Variants in ERO1B observed in about 807,000 individuals in gnomAD.
ERO1B encodes ERO1-like protein beta.
A neutral mutation model predicts 75.3 loss-of-function variants in ERO1B; 49 were observed. The ratio of observed to expected loss-of-function variants is 0.65; its 90% CI spans 0.52 to 0.83. The LOEUF is 0.83. Among genes scored for constraint, ERO1B ranks in the 40% least tolerant of loss-of-function variants. The pLI, the probability that ERO1B is intolerant of heterozygous loss-of-function variation, is 0.00. For synonymous variants in ERO1B, 191 were observed against 192.9 expected, an observed-to-expected ratio of 0.99 and a Z score of 0.08; for missense variants, 512 against 560.1, an observed-to-expected ratio of 0.91 and a Z score of 0.87.
chr1:236,220,743 A>C (rs1191416025), intron 15 of ERO1B, 89 bp downstream of exon 15: 2 of 1,373,564 alleles, frequency 1.5e-6, no homozygotes, highest in Non-Finnish European at 1.9e-6. Flanking sequence ...TCAACAAAAC[A>C]AACCCTACTT....
At position 236,243,506 on chromosome 1, in the gene ERO1B, G is replaced by A. The variant is rs1664765043; in HGVS notation, c.432-11C>T. On this transcript the variant is annotated splice_polypyrimidine_tract_variant and intron_variant, in intron 5 of 15. Transcript: ENST00000354619. The stretch of plus-strand genomic sequence containing the variant: ...TCTTTGCTTTGATTACTATGGGAAG[G>A]AGGAATAAAAAAGAAAAATTATTAA... 1.3e-6 allele frequency: 2 copies of A among 1,580,128 alleles called. No individual in the cohort carries two copies. The highest frequency in any genetic ancestry group is 1.7e-6 in the Non-Finnish European group (2 of 1,162,384).
intron 1 of ERO1B, among the ~76,000 whole-genome samples, chr1:236,279,458 G>T (rs935066027): frequency 1.6e-5 from 2 of 128,690 alleles, no homozygotes; most frequent in African/African-American, 3.0e-5. Flanking sequence ...AGCCAAGATG[G>T]CGCCACCGCA....
At chr1:236,254,919 TATC>T (rs2102958169) in intron 2 of ERO1B, among the ~76,000 whole-genome samples, 1 of 148,730 alleles carries the variant, frequency 6.7e-6, no homozygotes, top group East Asian at 2.3e-4. Context: ...GGCCGGTCTT[TATC>T]TTTTTTTTTT....
Position 236,249,896 on chromosome 1 carries a change from G to A in ERO1B, c.420C>T (p.Asn140=), listed in dbSNP as rs769191396. Residue 140 remains asparagine, a synonymous_variant, in exon 5 of 16, where the codon AAC becomes AAT. Transcript: ENST00000354619. The part of the protein sequence containing the change: ...CEQANKLGAI[N]STLSNQSKEA... ...AAAATAAAACTTGCCTTAATGTGCT[G>A]TTAATTGCTCCCAGTTTATTAGCTT... is the stretch of plus-strand genomic sequence containing the variant. The A allele has an allele frequency of 1.3e-6, 2 of 1,590,924 alleles. No homozygotes were observed. Among genetic ancestry groups the A allele is most frequent in the South Asian group, 2.4e-5 (2 of 84,204 alleles).
In ERO1B at chr1:236,253,402, T is replaced by A. The variant is rs775005414; in HGVS notation, c.306+20A>T. The A allele has an allele frequency of 3.3e-6, 5 of 1,499,494 alleles. No homozygotes were observed. The highest frequency in any genetic ancestry group is 4.6e-6 in the Non-Finnish European group (5 of 1,086,110). 92.9% of individuals were successfully genotyped at this position (1,499,494 alleles called of 1,614,324 possible). On this transcript the variant is annotated intron_variant, in intron 3 of 15. Transcript: ENST00000354619. ...GTCCAAGAGAAAATTGGCTTTGCCC[T>A]GTTATTTTATTTATTATACCTCTGG...
intron 10 of ERO1B, among the ~76,000 whole-genome samples, chr1:236,227,838 T>A (rs1664315032): frequency 6.6e-6 from 1 of 152,156 alleles, no homozygotes; most frequent in Admixed American, 6.5e-5. Context: ...GTTCCCTAAT[T>A]GGGAATTCTT....
At position 236,235,799 on chromosome 1, in the gene ERO1B, C is replaced by T. The variant is rs1415745493; in HGVS notation, c.663G>A (p.Ala221=). 3.7e-6 allele frequency: 6 copies of T among 1,611,514 alleles called. No homozygotes were observed. The East Asian group carries it at 6.7e-5, about 18-fold the overall frequency. ...ATATGAAAAACCTACCTCGGCTAGG[C>T]GCCAGAGGATTTAAAGGACGATAAA... ...RSVYRPLNPL[A]PSRGEDDGES... Residue 221 remains alanine (A), a synonymous_variant, in exon 8 of 16, where the codon GCG becomes GCA. Coordinates refer to ENST00000354619, the MANE Select transcript of ERO1B (RefSeq NM_019891.4).
intron 1 of ERO1B, among the ~76,000 whole-genome samples, chr1:236,279,025 C>T (rs574728002): frequency 6.6e-6 from 1 of 152,248 alleles, no homozygotes; most frequent in South Asian, 2.1e-4. Flanking sequence ...ATCTCTTTTT[C>T]TATACTAGAG....
intron 2 of ERO1B, among the ~76,000 whole-genome samples, chr1:236,267,047 T>A (rs1217757721): frequency 6.6e-6 from 1 of 152,238 alleles, no homozygotes; most frequent in East Asian, 1.9e-4. Flanking sequence ...ACTCCACTTT[T>A]ACTCATGCAA....
At chr1:236,227,657 C>T (rs1664310736) in intron 10 of ERO1B, among the ~76,000 whole-genome samples, 1 of 152,062 alleles carries the variant, frequency 6.6e-6, no homozygotes, top group African/African-American at 2.4e-5. Context: ...TAGTGGAAAG[C>T]AAAATAGTCT....
intron 1 of ERO1B, among the ~76,000 whole-genome samples, chr1:236,281,053 AC>A (rs948623580): frequency 1.6e-4 from 24 of 151,404 alleles, no homozygotes; most frequent in Non-Finnish European, 2.8e-4. Flanking sequence ...CCCCACTCAG[AC>A]CCCCCCAGTC....
At chr1:236,221,188 C>T (rs1558504364) in intron 14 of ERO1B, among the ~76,000 whole-genome samples, 1 of 152,120 alleles carries the variant, frequency 6.6e-6, no homozygotes, top group Non-Finnish European at 1.5e-5. Flanking sequence ...TTATTGAATA[C>T]ATATCATACT....
intron 12 of ERO1B, among the ~76,000 whole-genome samples, chr1:236,225,703 G>A (rs1189803544): frequency 6.6e-6 from 1 of 152,226 alleles, no homozygotes; most frequent in African/African-American, 2.4e-5. Flanking sequence ...GGGAGGCAGA[G>A]GAGGGTGCAT....
chr1:236,278,498 C>A (rs1665756551), intron 1 of ERO1B, among the ~76,000 whole-genome samples: 1 of 152,094 alleles, frequency 6.6e-6, no homozygotes, highest in Non-Finnish European at 1.5e-5. Context: ...CCACTCCATG[C>A]AACTGCTAAA....
chr1:236,278,704 T>C (rs1665760201), intron 1 of ERO1B, among the ~76,000 whole-genome samples: 1 of 152,228 alleles, frequency 6.6e-6, no homozygotes, highest in Non-Finnish European at 1.5e-5. Flanking sequence ...AAGATTGTTA[T>C]ATCACTTGTA....
rs755370824 is a variant in ERO1B, at chr1:236,236,285, A to G, written c.619T>C (p.Cys207Arg). The G allele has an allele frequency of 1.9e-6, 3 of 1,613,520 alleles. No homozygotes were observed. The East Asian group carries it at 6.7e-5, about 36-fold the overall frequency. ...RVWNSIYEEN[C>R]FKPRSVYRPL... is the part of the protein sequence containing the mutation. ...CCCACCCCCTCCAGTTACTTGAAAC[A>G]GTTCTCTTCATAGATGCTGTTCCAC... The change falls in exon 7 of 16, where the codon TGT becomes CGT. Residue 207 changes from cysteine to arginine, a missense_variant. Cys to Arg is a radical substitution (Grantham distance 180). Transcript: ENST00000354619.
At chr1:236,229,427 A>C (rs1275361860) in intron 10 of ERO1B, among the ~76,000 whole-genome samples, 1 of 152,118 alleles carries the variant, frequency 6.6e-6, no homozygotes, top group Non-Finnish European at 1.5e-5. Flanking sequence ...TGACTCAAAA[A>C]AAAAAAAAAG....
In ERO1B at chr1:236,217,086, G is replaced by A. The variant is rs1349881324; in HGVS notation, c.*1430C>T. ...AGTATTTTTAAGAGGGGTGAGCCAA[G>A]CCAACTAAATACAATTTTTTAGATG... On this transcript the variant is annotated 3_prime_UTR_variant, in exon 16 of 16. Coordinates refer to ENST00000354619, the MANE Select transcript of ERO1B (RefSeq NM_019891.4). The A allele has an allele frequency of 6.6e-6, 1 of 151,692 alleles. No individual in the cohort carries two copies. Among genetic ancestry groups the A allele is most frequent in the Non-Finnish European group, 1.5e-5 (1 of 67,856 alleles). The allele number at this position is 151,692 out of a possible 1,614,324, so 9.4% of individuals were successfully genotyped here.
Position 236,269,908 on chromosome 1 carries a change from T to G in ERO1B, c.189A>C (p.Lys63Asn), listed in dbSNP as rs35648587. ...NTYKIFPKIKKLQERDYFRYY... is the reference protein window; with the variant it reads ...NTYKIFPKIKNLQERDYFRYY... Reference sequence around the variant, plus strand: ...AACGAAAATAGTCTCTCTCTTGCAATTTTTTTATTTTGGGGAAGATTTTGT... The same window carrying G: ...AACGAAAATAGTCTCTCTCTTGCAAGTTTTTTATTTTGGGGAAGATTTTGT... Residue 63 changes from lysine (K) to asparagine (N), a missense_variant, in exon 2 of 16, where the codon AAA becomes AAC. By Grantham distance (94) the Lys-to-Asn change is moderately conservative. Transcript: ENST00000354619. 4,316 of 1,597,696 alleles carry G rather than the reference T, an allele frequency of 2.7e-3. 15 individuals are homozygous for G. The highest frequency in any genetic ancestry group is 3.3e-3 in the Non-Finnish European group (3,816 of 1,165,394).
Sources: gnomAD v4.1 joint callset for allele counts (sites outside exome capture counted in the v4.1 genomes callset) on GRCh38, gnomAD v4.1.1 for gene constraint, MANE v1.5 for transcripts, NCBI Gene and HGNC (gene_info 2026-07-23, HGNC 2026-07-21) for gene names.